TTC23L: variants seen among roughly 807,000 people sequenced by gnomAD.
TTC23L encodes tetratricopeptide repeat protein 23-like.
A neutral mutation model predicts 48.1 loss-of-function variants in TTC23L; 42 were observed. The ratio of observed to expected loss-of-function variants is 0.87; its 90% confidence interval spans 0.68 to 1.13. The LOEUF is 1.13. Among genes scored for constraint, TTC23L ranks in the 50% most tolerant of loss-of-function variants. The probability of loss-of-function intolerance (pLI) is 0.00; values close to 1 mark genes in which losing one functional copy is unlikely to be tolerated. For synonymous variants in TTC23L, 159 were observed against 157.2 expected, an observed-to-expected ratio of 1.01 and a Z score of -0.09; for missense variants, 391 against 421.0, an observed-to-expected ratio of 0.93 and a Z score of 0.62.
intron 10 of TTC23L, among the ~76,000 whole-genome samples, chr5:34,898,546 C>T (rs1763369365): frequency 6.6e-6 from 1 of 152,146 alleles, no homozygotes; most frequent in African/African-American, 2.4e-5. Flanking sequence ...AGTTCTTTGC[C>T]CACCTCTGAA....
chr5:34,914,601 C>G, the TTC23L span: 1 of 1,153,980 alleles, frequency 8.7e-7, no homozygotes, highest in Non-Finnish European at 1.3e-6. Flanking sequence ...GTTATTATGA[C>G]TATTAAGTTA....
chr5:34,889,763 C>T (rs1190898538), intron 9 of TTC23L, among the ~76,000 whole-genome samples: 3 of 152,092 alleles, frequency 2.0e-5, no homozygotes, highest in Admixed American at 6.6e-5. Flanking sequence ...TTTTCCATTT[C>T]CTTGGCACTG....
intron 4 of TTC23L, among the ~76,000 whole-genome samples, chr5:34,856,377 T>TC (rs1180016097): frequency 6.6e-5 from 10 of 152,084 alleles, no homozygotes; most frequent in Non-Finnish European, 1.2e-4. Context: ...TCCAAAAACC[T>TC]CCCCCCATCC....
chr5:34,862,316 A>C (rs1484115465), intron 4 of TTC23L, among the ~76,000 whole-genome samples: 4 of 152,144 alleles, frequency 2.6e-5, no homozygotes, highest in Non-Finnish European at 5.9e-5. Context: ...GATTGAAAAA[A>C]AAAATCCCCA....
At chr5:34,913,799 G>A in the TTC23L span, 1 of 538,552 alleles carries the variant, frequency 1.9e-6, no homozygotes, top group South Asian at 1.9e-5. Context: ...CCCTTGTCTC[G>A]TTTTTGTGCC....
chr5:34,908,804 G>A, the TTC23L span: 1 of 1,611,126 alleles, frequency 6.2e-7, no homozygotes, highest in Non-Finnish European at 8.5e-7. Flanking sequence ...CAGGGCAGCA[G>A]TAATATTCCA....
rs1464010466 is a variant in TTC23L at position 34,840,244 on chromosome 5, G to GT, written c.-7-421_-7-420insT. 3.5e-5 allele frequency among the ~76,000 whole-genome samples: 5 copies of GT among 142,732 alleles called. 1 individual carries two copies. The highest frequency in any genetic ancestry group is 2.7e-4 in the Admixed American group (4 of 14,682). The allele number at this position is 142,732 out of a possible 152,430, so 93.6% of individuals were successfully genotyped here. A position where few individuals can be genotyped will look rare whatever the true frequency, so the allele number is the denominator to read the frequency against. ...TAATTAGTGAAATGACCCCGGGGGG[G>GT]GGGGGGAAAGCAGAATTAACCAATA... On this transcript the variant is annotated intron_variant, in intron 1 of 10. Coordinates refer to ENST00000505624, the Ensembl canonical transcript of TTC23L.
At chr5:34,867,042 C>T in exon 7 of TTC23L, 1 of 1,611,662 alleles carries the variant, frequency 6.2e-7, no homozygotes, top group African/African-American at 1.3e-5. Flanking sequence ...GGAGGAACCA[C>T]AACCAGGCCA....
intron 9 of TTC23L, among the ~76,000 whole-genome samples, chr5:34,886,940 G>A (rs534244214): frequency 2.6e-5 from 4 of 152,304 alleles, no homozygotes; most frequent in African/African-American, 9.6e-5. Context: ...TTCCCTTGCA[G>A]TGGGGTGTGG....
At chr5:34,895,248 TG>T (rs1296845514) in intron 9 of TTC23L, among the ~76,000 whole-genome samples, 1 of 152,250 alleles carries the variant, frequency 6.6e-6, no homozygotes, top group Non-Finnish European at 1.5e-5. Flanking sequence ...CCACTTTCTA[TG>T]TGCCATTAGG....
chr5:34,901,055 A>G (rs1460116096), downstream of TTC23L, among the ~76,000 whole-genome samples: 1 of 152,240 alleles, frequency 6.6e-6, no homozygotes. Flanking sequence ...ATATGTGTGT[A>G]AATTTTGAGA....
intron 3 of TTC23L, among the ~76,000 whole-genome samples, chr5:34,847,150 CATT>C (rs1455770993): frequency 6.6e-6 from 1 of 152,166 alleles, no homozygotes; most frequent in Non-Finnish European, 1.5e-5. Context: ...CATTTTCTAT[CATT>C]TGCCTCTGAA....
chr5:34,869,739 T>C (rs769719483), intron 8 of TTC23L: 5 of 152,242 alleles, frequency 3.3e-5, no homozygotes, highest in Non-Finnish European at 7.3e-5. Context: ...GTGTATGTTA[T>C]TTTCCAGTTA....
the TTC23L span, among the ~76,000 whole-genome samples, chr5:34,913,117 CCACT>C: frequency 1.3e-5 from 2 of 152,110 alleles, no homozygotes; most frequent in Non-Finnish European, 2.9e-5. Context: ...TTTTTCTCTG[CCACT>C]AACTAGCGGA....
chr5:34,883,181 A>C (rs1049713235), intron 9 of TTC23L: 1 of 155,364 alleles, frequency 6.4e-6, no homozygotes, highest in African/African-American at 2.4e-5. Context: ...ATACTGTGGA[A>C]ATCAAGGGAA....
At chr5:34,915,108 C>A in the TTC23L span, 1 of 574,604 alleles carries the variant, frequency 1.7e-6, no homozygotes, top group East Asian at 2.8e-5. Flanking sequence ...CTTTGTAATT[C>A]TGGAGGAAAA....
At chr5:34,921,905 CGCAAAA>C in the TTC23L span, 3 of 129,494 alleles carry the variant, frequency 2.3e-5, no homozygotes, top group East Asian at 4.4e-4. Flanking sequence ...GAAACTGCAT[CGCAAAA>C]AAAAAAAAAA....
chr5:34,923,754 CA>C, the TTC23L span, among the ~76,000 whole-genome samples: 1 of 152,108 alleles, frequency 6.6e-6, no homozygotes, highest in Admixed American at 6.5e-5. Context: ...TTTGCATACA[CA>C]AAAAATGCAA....
At chr5:34,924,752 A>G in the TTC23L span, 49,355 of 731,576 alleles carry the variant, frequency 0.067, 1,976 homozygotes, top group South Asian at 0.1. Flanking sequence ...TGGATTATCA[A>G]TTATTTCAGG....
Sources: gnomAD v4.1 joint callset for allele counts (sites outside exome capture counted in the v4.1 genomes callset) on GRCh38, gnomAD v4.1.1 for gene constraint, MANE v1.5 for transcripts, NCBI Gene and HGNC (gene_info 2026-07-23, HGNC 2026-07-21) for gene names.